The following ZNF316 variants were observed in gnomAD, a reference collection of about 807,000 sequenced individuals.
ZNF316 encodes zinc finger protein 316.
A neutral mutation model predicts 75.6 loss-of-function variants in ZNF316; 23 were observed. The ratio of observed to expected loss-of-function variants is 0.30; its 90% CI spans 0.22 to 0.43. ZNF316 has a LOEUF of 0.43. Ranked by LOEUF, ZNF316 falls within the 20% of genes least tolerant of loss-of-function variation. The pLI is 1.00. For missense variants in ZNF316, 1,266 were observed against 1,409.4 expected, an observed-to-expected ratio of 0.90 and a Z score of 1.63; for synonymous variants, 827 against 666.2, an observed-to-expected ratio of 1.24 and a Z score of -3.72.
Position 6,653,422 on chromosome 7 carries a change from AC to A in ZNF316, c.1829del (p.Pro610ArgfsTer181). 1 of 1,227,726 alleles carries A rather than the reference AC, an allele frequency of 8.1e-7. No individual in the cohort carries two copies. The highest frequency in any genetic ancestry group is 1.0e-6 in the Non-Finnish European group (1 of 985,870). The allele number at this position is 1,227,726 out of a possible 1,614,324, so 76.1% of individuals were successfully genotyped here. On this transcript the variant is annotated frameshift_variant, in exon 9 of 9. Coordinates refer to ENST00000382252, the MANE Select transcript of ZNF316 (RefSeq NM_001278559.2). LOFTEE classifies it high-confidence loss of function. ...HFPVHPKSWL[H>X]PDSFPILGLP... is the part of the protein sequence containing the mutation. ...CCCGTGCACCCCAAGTCCTGGCTGCACCCGGACAGCTTCCCGATCCTGGGCC... is the reference window on the plus strand; with the variant it reads ...CCCGTGCACCCCAAGTCCTGGCTGCACCGGACAGCTTCCCGATCCTGGGCC...
At chr7:6,638,655 C>T (rs999302063) in intron 2 of ZNF316, among the ~76,000 whole-genome samples, 1 of 152,148 alleles carries the variant, frequency 6.6e-6, no homozygotes, top group Non-Finnish European at 1.5e-5. Context: ...GGGTTTGGGG[C>T]CGGGTGAGGT....
In ZNF316 at chr7:6,655,334, C is replaced by T. The variant is rs553537096; in HGVS notation, c.*723C>T. Reference sequence around the variant, plus strand: ...ACAGGGTCCTGAGGGAGTTTGAAGCCTTATTCTCGAGCCGCCTCCTCTTCT... The same window carrying T: ...ACAGGGTCCTGAGGGAGTTTGAAGCTTTATTCTCGAGCCGCCTCCTCTTCT... On this transcript the variant is annotated 3_prime_UTR_variant, in exon 9 of 9. Transcript: ENST00000382252. 3.1e-4 allele frequency: 47 copies of T among 152,364 alleles called. No homozygotes were observed. Among genetic ancestry groups the T allele is most frequent in the African/African-American group, 1.1e-3 (47 of 41,546 alleles). 9.4% of individuals were successfully genotyped at this position (152,364 alleles called of 1,614,324 possible).
chr7:6,643,673 A>T, intron 6 of ZNF316, 149 bp from the exon 7 acceptor site: 1 of 670,452 alleles, frequency 1.5e-6, no homozygotes, highest in Non-Finnish European at 2.1e-6. Context: ...CTTGCTTTCC[A>T]GGGCTGTGGC....
At chr7:6,649,632 T>G (rs1167291323) in intron 8 of ZNF316, among the ~76,000 whole-genome samples, 5 of 152,088 alleles carry the variant, frequency 3.3e-5, no homozygotes, top group Non-Finnish European at 7.4e-5. Context: ...CTGGGACCCT[T>G]CCCAGGGGCC....
At position 6,653,090 on chromosome 7, in the gene ZNF316, C is replaced by T. The variant is rs1019024505; in HGVS notation, c.1494C>T (p.Ala498=). The change falls in exon 9 of 9, where the codon GCC becomes GCT. Residue 498 remains alanine, a synonymous_variant. Coordinates refer to ENST00000382252, the MANE Select transcript of ZNF316 (RefSeq NM_001278559.2). ...PDCGQAFRLR[A]DFQRHRRGGG... The stretch of plus-strand genomic sequence containing the variant: ...GCGGCCAGGCCTTCCGCCTGCGCGC[C>T]GACTTCCAGCGCCACCGACGCGGCG... The T allele has an allele frequency of 2.5e-6, 3 of 1,193,462 alleles. No individual in the cohort carries two copies. The highest frequency in any genetic ancestry group is 4.2e-5 in the South Asian group (1 of 24,064). 73.9% of individuals were successfully genotyped at this position (1,193,462 alleles called of 1,614,324 possible). A position where few individuals can be genotyped will look rare whatever the true frequency, so the allele number is the denominator to read the frequency against.
At chr7:6,638,819 T>C (rs1779264267) in intron 2 of ZNF316, among the ~76,000 whole-genome samples, 1 of 152,184 alleles carries the variant, frequency 6.6e-6, no homozygotes, top group Non-Finnish European at 1.5e-5. Flanking sequence ...CTGTGGCCTC[T>C]GACCCAGAGT....
In ZNF316 at chr7:6,649,725, G is replaced by A. The variant is rs183368298; in HGVS notation, c.707-2578G>A. Among the ~76,000 whole-genome samples, 292 of 152,256 alleles carry A rather than the reference G, an allele frequency of 1.9e-3. 6 individuals are homozygous for A. Among genetic ancestry groups the A allele is most frequent in the Admixed American group, 0.017 (257 of 15,302 alleles). On this transcript the variant is annotated intron_variant, in intron 8 of 8. Transcript: ENST00000382252. Reference sequence around the variant, plus strand: ...TGGATGTCCTTCCCCTCCTGCACTCGGTGTCAATGGTGGCCTGTCACCATG... The same window carrying A: ...TGGATGTCCTTCCCCTCCTGCACTCAGTGTCAATGGTGGCCTGTCACCATG...
chr7:6,652,989 A>G lies in ZNF316; in HGVS notation c.1393A>G (p.Ser465Gly). The G allele has an allele frequency of 8.1e-7, 1 of 1,232,656 alleles. No individual in the cohort carries two copies. The highest frequency in any genetic ancestry group is 1.6e-5 in the African/African-American group (1 of 64,358). 76.4% of individuals were successfully genotyped at this position (1,232,656 alleles called of 1,614,324 possible). ...CTACCCGTGTTCGCACTGCGGCCGC[A>G]GCTTCAGCCAGAGCTCGGCGCTGGC... ...RPYPCSHCGR[S>G]FSQSSALARH... The change falls in exon 9 of 9, where the codon AGC becomes GGC. Residue 465 changes from serine (S) to glycine (G), a missense_variant. Ser to Gly is a moderately conservative substitution (Grantham distance 56). Around this residue, in one of 3 missense-constraint regions of ZNF316, gnomAD observed 961 missense variants for 990.9 expected, o/e 0.97. Coordinates refer to ENST00000382252, the MANE Select transcript of ZNF316 (RefSeq NM_001278559.2).
In ZNF316 at chr7:6,655,990, G is replaced by A. The variant is rs1004393051; in HGVS notation, c.*1379G>A. 1 of 152,302 alleles carries A rather than the reference G, an allele frequency of 6.6e-6. No individual in the cohort carries two copies. Among genetic ancestry groups the A allele is most frequent in the African/African-American group, 2.4e-5 (1 of 41,462 alleles). The allele number at this position is 152,302 out of a possible 1,614,324, so 9.4% of individuals were successfully genotyped here. On this transcript the variant is annotated 3_prime_UTR_variant, in exon 9 of 9. Coordinates refer to ENST00000382252, the MANE Select transcript of ZNF316 (RefSeq NM_001278559.2). Reference sequence around the variant, plus strand: ...GGCCAGGAAACGGATTTTTGGTGCAGCTGCATTCCCTAATAGACCTAGTTC... The same window carrying A: ...GGCCAGGAAACGGATTTTTGGTGCAACTGCATTCCCTAATAGACCTAGTTC...
At position 6,654,473 on chromosome 7, in the gene ZNF316, C is replaced by T. The variant is rs1779580138; in HGVS notation, c.2877C>T (p.Ala959=). ...CCCCCGCGCCCAAGCCCGAGGCGGC[C>T]GCCAAGGGGCCGTCCAGTGCCGGCC... ...APAPAPKPEA[A]AKGPSSAGPG... is the part of the protein sequence containing the mutation. The change falls in exon 9 of 9, where the codon GCC becomes GCT. Residue 959 remains alanine, a synonymous_variant. Transcript: ENST00000382252. 1.7e-6 allele frequency: 2 copies of T among 1,189,484 alleles called. No homozygotes were observed. The highest frequency in any genetic ancestry group is 1.6e-5 in the African/African-American group (1 of 62,542). The allele number at this position is 1,189,484 out of a possible 1,614,324, so 73.7% of individuals were successfully genotyped here. A position where few individuals can be genotyped will look rare whatever the true frequency, so the allele number is the denominator to read the frequency against.
At chr7:6,641,699 C>T (rs1364534097) in intron 3 of ZNF316, 126 bp from the exon 4 acceptor site, 1 of 152,358 alleles carries the variant, frequency 6.6e-6, no homozygotes, top group Non-Finnish European at 1.5e-5. Context: ...ACAGGCATTT[C>T]CTGTCCTCCT....
At chr7:6,650,216 A>G (rs993821329) in intron 8 of ZNF316, among the ~76,000 whole-genome samples, 2 of 152,182 alleles carry the variant, frequency 1.3e-5, no homozygotes, top group Non-Finnish European at 2.9e-5. Flanking sequence ...GCTGGGGTGC[A>G]GCAGCCTTCC....
Position 6,653,323 on chromosome 7 carries a change from G to C in ZNF316, c.1727G>C (p.Arg576Pro), listed in dbSNP as rs1779549866. 5 of 1,226,228 alleles carry C rather than the reference G, an allele frequency of 4.1e-6. No individual in the cohort carries two copies. Among genetic ancestry groups the C allele is most frequent in the African/African-American group, 3.1e-5 (2 of 64,004 alleles). 76.0% of individuals were successfully genotyped at this position (1,226,228 alleles called of 1,614,324 possible). Reference protein sequence around the residue: ...PSGKVDPAPERRFLELGNGLG... With the variant: ...PSGKVDPAPEPRFLELGNGLG... The stretch of plus-strand genomic sequence containing the variant: ...GGCAAGGTGGACCCCGCGCCGGAAC[G>C]GCGCTTCCTGGAGCTGGGCAACGGC... The change falls in exon 9 of 9, where the codon CGG becomes CCG. Residue 576 changes from arginine to proline, a missense_variant. Physicochemically the swap from Arg to Pro is moderately radical, Grantham distance 103. Around this residue, in one of 3 missense-constraint regions of ZNF316, gnomAD observed 961 missense variants for 990.9 expected, o/e 0.97. Coordinates refer to ENST00000382252, the MANE Select transcript of ZNF316 (RefSeq NM_001278559.2).
intron 8 of ZNF316, among the ~76,000 whole-genome samples, chr7:6,645,482 G>T (rs1413435218): frequency 6.6e-6 from 1 of 150,896 alleles, no homozygotes; most frequent in Non-Finnish European, 1.5e-5. Context: ...TCAGGAGTTT[G>T]AGACCAGCCC....
Position 6,652,822 on chromosome 7 carries a change from G to A in ZNF316, c.1226G>A (p.Arg409His), listed in dbSNP as rs570828662. 2 of 1,262,014 alleles carry A rather than the reference G, an allele frequency of 1.6e-6. No individual in the cohort carries two copies. Among genetic ancestry groups the A allele is most frequent in the South Asian group, 3.5e-5 (1 of 28,894 alleles). The allele number at this position is 1,262,014 out of a possible 1,614,324, so 78.2% of individuals were successfully genotyped here. ...TTCCCGTGCCCGGACTGCGGCAAGC[G>A]CTTCGTCTACAAGTCGCACCTGGTT... Reference protein sequence around the residue: ...KPFPCPDCGKRFVYKSHLVTH... With the variant: ...KPFPCPDCGKHFVYKSHLVTH... Residue 409 changes from arginine (R) to histidine (H), a missense_variant, in exon 9 of 9, where the codon CGC becomes CAC. Arg to His is a conservative substitution (Grantham distance 29). Coordinates refer to ENST00000382252, the MANE Select transcript of ZNF316 (RefSeq NM_001278559.2).
intron 2 of ZNF316, among the ~76,000 whole-genome samples, chr7:6,638,684 C>T (rs558852793): frequency 1.3e-5 from 2 of 152,284 alleles, no homozygotes; most frequent in South Asian, 4.1e-4. Flanking sequence ...CCTGTAATCC[C>T]AGCACTTTGT....
At chr7:6,645,404 C>G (rs1779382343) in intron 8 of ZNF316, among the ~76,000 whole-genome samples, 1 of 152,320 alleles carries the variant, frequency 6.6e-6, no homozygotes, top group East Asian at 1.9e-4. Flanking sequence ...AAAATACAAG[C>G]TGGGTGCGGT....
chr7:6,654,164 G>A lies in ZNF316; in HGVS notation c.2568G>A (p.Glu856=). The A allele has an allele frequency of 8.2e-7, 1 of 1,223,060 alleles. No homozygotes were observed. Among genetic ancestry groups the A allele is most frequent in the Non-Finnish European group, 1.0e-6 (1 of 981,466 alleles). 75.8% of individuals were successfully genotyped at this position (1,223,060 alleles called of 1,614,324 possible). A position where few individuals can be genotyped will look rare whatever the true frequency, so the allele number is the denominator to read the frequency against. The part of the protein sequence containing the change: ...FKRHRRTHTG[E]KPFRCADCGR... ...GGCATCGGCGCACGCACACGGGCGA[G>A]AAGCCCTTCCGCTGCGCCGACTGCG... The change falls in exon 9 of 9, where the codon GAG becomes GAA. Residue 856 remains glutamate (E), a synonymous_variant. Coordinates refer to ENST00000382252, the MANE Select transcript of ZNF316 (RefSeq NM_001278559.2).
rs1779556846 is a variant in ZNF316 at position 6,653,523 on chromosome 7, G to A, written c.1927G>A (p.Val643Met). 5 of 1,219,124 alleles carry A rather than the reference G, an allele frequency of 4.1e-6. No individual in the cohort carries two copies. Among genetic ancestry groups the A allele is most frequent in the Non-Finnish European group, 4.1e-6 (4 of 980,290 alleles). The allele number at this position is 1,219,124 out of a possible 1,614,324, so 75.5% of individuals were successfully genotyped here. ...PAPLGGPLSL[V>M]EGTGLACDPF... ...GCCCCTGGGGGGCCCGCTCTCCCTG[G>A]TGGAGGGTACCGGGCTGGCGTGCGA... Residue 643 changes from valine to methionine, a missense_variant, in exon 9 of 9, where the codon GTG becomes ATG. Physicochemically the swap from Val to Met is conservative, Grantham distance 21. Around this residue, in one of 3 missense-constraint regions of ZNF316, gnomAD observed 961 missense variants for 990.9 expected, o/e 0.97. Transcript: ENST00000382252.
Sources: allele counts gnomAD v4.1 joint callset (sites outside exome capture counted in the v4.1 genomes callset), GRCh38; gene constraint gnomAD v4.1.1; regional missense constraint gnomAD v4.1.1; transcripts MANE v1.5; gene names NCBI Gene and HGNC (gene_info 2026-07-23, HGNC 2026-07-21).